ARHGAP39: variants seen among roughly 807,000 people sequenced by gnomAD.
ARHGAP39 encodes rho GTPase-activating protein 39.
In ARHGAP39, 44 loss-of-function variants were observed where a neutral mutation model predicts 106.9. That is an observed-to-expected ratio of 0.41 (90% CI 0.32 to 0.53). The LOEUF is 0.53. ARHGAP39 is among the 20% of genes least tolerant of loss of function. The pLI, the probability that ARHGAP39 is intolerant of heterozygous loss-of-function variation, is 0.21. For synonymous variants in ARHGAP39, 768 were observed against 693.2 expected (o/e 1.11, Z -1.69); for missense variants, 1,496 against 1,577.3 (o/e 0.95, Z 0.87).
intron 1 of ARHGAP39, 32 bp from the exon 2 acceptor site, chr8:144,605,727 T>C (rs1184888169): frequency 5.9e-6 from 6 of 1,020,192 alleles, no homozygotes; most frequent in South Asian, 2.7e-5. Context: ...AGTGCTGATA[T>C]GGAAGACGCC....
intron 9 of ARHGAP39, 76 bp from the exon 10 acceptor site, chr8:144,532,472 C>T (rs1383700122): frequency 1.7e-5 from 23 of 1,340,556 alleles, no homozygotes; most frequent in East Asian, 9.8e-5. Flanking sequence ...ACACTCCCTC[C>T]GGTAGGCCCC....
intron 1 of ARHGAP39, among the ~76,000 whole-genome samples, chr8:144,660,682 T>A (rs1215583998): frequency 2.0e-5 from 3 of 152,044 alleles, no homozygotes; most frequent in African/African-American, 7.3e-5. Flanking sequence ...AATAAATAAA[T>A]GAATAATTTT....
At position 144,600,210 on chromosome 8, in the gene ARHGAP39, T is replaced by TG. The variant is rs1465239500; in HGVS notation, c.80+5324dup. ...GTGTACCTACCTGCGTGTGCGTGTGTGTGGGGGGCATGTGTGCAAGCTCGT... is the reference window on the plus strand; with the variant it reads ...GTGTACCTACCTGCGTGTGCGTGTGTGGTGGGGGGCATGTGTGCAAGCTCGT... On this transcript the variant is annotated intron_variant, in intron 2 of 11. Coordinates refer to ENST00000377307, the MANE Select transcript of ARHGAP39 (RefSeq NM_025251.3). 3.0e-5 allele frequency among the ~76,000 whole-genome samples: 3 copies of TG among 101,558 alleles called. No individual in the cohort carries two copies. In the East Asian group the frequency reaches 1.0e-3, roughly 36 times the overall value. The allele number at this position is 101,558 out of a possible 152,430, so 66.6% of individuals were successfully genotyped here.
chr8:144,684,548 C>A lies in ARHGAP39; in HGVS notation c.-82+1138G>T, dbSNP rs909950664. 6.6e-6 allele frequency among the ~76,000 whole-genome samples: 1 copy of A among 152,216 alleles called. No homozygotes were observed. Among genetic ancestry groups the A allele is most frequent in the African/African-American group, 2.4e-5 (1 of 41,468 alleles). ...AGGGGGAGGGGGCCCGGCTGCGTTT[C>A]CGAAGCTGCGCAGCGCCCACAGCAG... On this transcript the variant is annotated intron_variant, in intron 1 of 11. Transcript: ENST00000377307. This position sits in a 1 kb window ranked among gnomAD's most constrained non-coding sequence, Gnocchi z 4.4.
intron 3 of ARHGAP39, among the ~76,000 whole-genome samples, chr8:144,562,653 GACTCCAGTGGTTTCCATCGGACTC>G (rs1564849704): frequency 3.6e-5 from 5 of 138,936 alleles, no homozygotes; most frequent in Non-Finnish European, 6.1e-5. Flanking sequence ...GTTACCATCG[GACTCCAGTGGTTTCCATCGGACTC>G]ACTCCAGTGG....
chr8:144,603,278 GGTGTGTGTGCGTGCTCGTGTATCT>G (rs1563702249), intron 2 of ARHGAP39, among the ~76,000 whole-genome samples: 4 of 150,868 alleles, frequency 2.7e-5, no homozygotes, highest in Non-Finnish European at 5.9e-5. Context: ...TGTGCGTGGA[GGTGTGTGTGCGTGCTCGTGTATCT>G]GTGTGTGTGC....
intron 2 of ARHGAP39, among the ~76,000 whole-genome samples, 162 bp downstream of exon 2, chr8:144,605,373 A>C (rs4541972): frequency 1.3e-5 from 2 of 152,384 alleles, no homozygotes; most frequent in African/African-American, 4.8e-5. Context: ...TGAGGGCTGC[A>C]CTGTGCACAG....
At chr8:144,633,580 T>C (rs1412239655) in intron 1 of ARHGAP39, among the ~76,000 whole-genome samples, 1 of 152,272 alleles carries the variant, frequency 6.6e-6, no homozygotes, top group Non-Finnish European at 1.5e-5. Context: ...GCTAAATGCT[T>C]TGTAGTTAAC....
upstream of ARHGAP39, among the ~76,000 whole-genome samples, chr8:144,686,930 A>AGCACTTC (rs1822608663): frequency 1.1e-4 from 6 of 57,104 alleles, no homozygotes; most frequent in African/African-American, 2.2e-4. Context: ...ACTGGCGGCG[A>AGCACTTC]CCATTTCCCA....
chr8:144,647,974 T>C lies in ARHGAP39; in HGVS notation c.-82+37712A>G, dbSNP rs571371688. On this transcript the variant is annotated intron_variant, in intron 1 of 11. Coordinates refer to ENST00000377307, the MANE Select transcript of ARHGAP39 (RefSeq NM_025251.3). The surrounding 1 kb of genome is among the most constrained non-coding windows in gnomAD (Gnocchi z 4.8). ...AATTCCTGGTACAATTTCTACAAAA[T>C]GGTGGAGAGTCTAATTCTCCTTCCT... Among the ~76,000 whole-genome samples the C allele has an allele frequency of 8.5e-5, 13 of 152,292 alleles. No homozygotes were observed. Among genetic ancestry groups the C allele is most frequent in the South Asian group, 2.1e-4 (1 of 4,828 alleles).
chr8:144,676,968 C>G (rs556608924), intron 1 of ARHGAP39, among the ~76,000 whole-genome samples: 1 of 152,262 alleles, frequency 6.6e-6, no homozygotes, highest in South Asian at 2.1e-4. Flanking sequence ...CAGGGTTTCA[C>G]CATGTTGGTC....
In ARHGAP39 at chr8:144,547,473, C is replaced by G; in HGVS notation, c.1613G>C (p.Arg538Pro). Reference protein sequence around the residue: ...PCGTSLAPVKRAEGEAEGARG... With the variant: ...PCGTSLAPVKPAEGEAEGARG... ...CGCCCCTTCGGCCTCACCTTCCGCT[C>G]GCTTCACGGGGGCGAGGCTGGTCCC... The change falls in exon 5 of 12, where the codon CGA becomes CCA. Residue 538 changes from arginine to proline, a missense_variant. Around this residue, in one of 4 missense-constraint regions of ARHGAP39, gnomAD observed 905 missense variants for 816.4 expected, o/e 1.11. Coordinates refer to ENST00000377307, the MANE Select transcript of ARHGAP39 (RefSeq NM_025251.3). The surrounding 1 kb of genome is among the most constrained non-coding windows in gnomAD (Gnocchi z 5.2). 2 of 1,547,524 alleles carry G rather than the reference C, an allele frequency of 1.3e-6. No homozygotes were observed. The highest frequency in any genetic ancestry group is 1.2e-5 in the South Asian group (1 of 84,784).
At chr8:144,677,014 C>T (rs527315096) in intron 1 of ARHGAP39, among the ~76,000 whole-genome samples, 14 of 152,362 alleles carry the variant, frequency 9.2e-5, no homozygotes, top group African/African-American at 2.6e-4. Flanking sequence ...ATGATCCGCC[C>T]GCCTGGGCCT....
chr8:144,540,693 G>A (rs1022347716), intron 6 of ARHGAP39, among the ~76,000 whole-genome samples: 5 of 152,160 alleles, frequency 3.3e-5, no homozygotes, highest in East Asian at 1.9e-4. Flanking sequence ...CCAGCTACTC[G>A]GGAGGCTGAG....
At chr8:144,578,551 GC>G (rs1425664834) in intron 3 of ARHGAP39, among the ~76,000 whole-genome samples, 2 of 152,054 alleles carry the variant, frequency 1.3e-5, no homozygotes, top group Non-Finnish European at 2.9e-5. Context: ...TTGTACTTTG[GC>G]CATGCACACT....
rs1449302352 is a variant in ARHGAP39, at chr8:144,671,067, C to G, written c.-82+14619G>C. Among the ~76,000 whole-genome samples the G allele has an allele frequency of 6.6e-6, 1 of 152,190 alleles. No individual in the cohort carries two copies. Among genetic ancestry groups the G allele is most frequent in the Non-Finnish European group, 1.5e-5 (1 of 68,028 alleles). On this transcript the variant is annotated intron_variant, in intron 1 of 11. Transcript: ENST00000377307. This position sits in a 1 kb window ranked among gnomAD's most constrained non-coding sequence, Gnocchi z 4.5. ...CAGGGCCGCCAAGCTTCTCCCGAAA[C>G]CCAACCAGGGCCCTTCACATACCAA... is the stretch of plus-strand genomic sequence containing the variant.
intron 1 of ARHGAP39, among the ~76,000 whole-genome samples, chr8:144,640,118 A>G (rs931700997): frequency 3.3e-5 from 5 of 152,216 alleles, no homozygotes; most frequent in African/African-American, 1.2e-4. Context: ...CGAGTAATCT[A>G]TGCTATTTTA....
intron 1 of ARHGAP39, among the ~76,000 whole-genome samples, chr8:144,636,059 G>A (rs963596476): frequency 2.0e-5 from 3 of 150,626 alleles, no homozygotes; most frequent in Admixed American, 6.6e-5. Flanking sequence ...GCACTTACCC[G>A]GTGGGATCTG....
intron 1 of ARHGAP39, among the ~76,000 whole-genome samples, chr8:144,629,811 C>T (rs779940497): frequency 6.6e-6 from 1 of 151,948 alleles, no homozygotes. Flanking sequence ...CTTTAAGCTG[C>T]AATAGTGTTG....
Sources: gnomAD v4.1 joint callset for allele counts (sites outside exome capture counted in the v4.1 genomes callset) on GRCh38, gnomAD v4.1.1 for gene constraint, gnomAD v4.1.1 regional missense constraint, Gnocchi (gnomAD v3.1) non-coding constraint, MANE v1.5 for transcripts, NCBI Gene and HGNC (gene_info 2026-07-23, HGNC 2026-07-21) for gene names.